The following SYNPO2L variants were observed in gnomAD, a reference collection of about 807,000 sequenced individuals.
The protein encoded by SYNPO2L is synaptopodin 2 like.
SYNPO2L carries 34 observed loss-of-function variants against 47.5 expected under a neutral mutation model. The observed-to-expected ratio is 0.72, with a 90% CI of 0.54 to 0.95. SYNPO2L has a LOEUF of 0.95. Among genes scored for constraint, SYNPO2L ranks in the 40% least tolerant of loss-of-function variants. The pLI is 0.00. For missense variants in SYNPO2L, 1,246 were observed against 1,282.0 expected, an observed-to-expected ratio of 0.97 and a Z score of 0.43; for synonymous variants, 536 against 524.9, an observed-to-expected ratio of 1.02 and a Z score of -0.29.
Position 73,647,606 on chromosome 10 carries a change from T to G in SYNPO2L, c.2046A>C (p.Glu682Asp), listed in dbSNP as rs1390168398. 2 of 1,614,108 alleles carry G rather than the reference T, an allele frequency of 1.2e-6. No homozygotes were observed. The highest frequency in any genetic ancestry group is 4.5e-5 in the East Asian group (2 of 44,860). The change falls in exon 4 of 4, where the codon GAA becomes GAC. Residue 682 changes from glutamate to aspartate, a missense_variant. This residue lies in a region of SYNPO2L where 1,037 missense variants were observed against 1,021.5 expected (regional missense o/e 1.02). Coordinates refer to ENST00000394810, the MANE Select transcript of SYNPO2L (RefSeq NM_001114133.3). ...PEEDALSLGA[E>D]ACNFMQPVGA... The stretch of plus-strand genomic sequence containing the variant: ...CTACTGGCTGCATGAAGTTGCAGGC[T>G]TCAGCCCCGAGGCTCAGAGCATCTT...
At chr10:73,654,349 G>A in intron 1 of SYNPO2L, 69 bp from the exon 2 acceptor site, 2 of 1,532,096 alleles carry the variant, frequency 1.3e-6, no homozygotes, top group Non-Finnish European at 1.8e-6. Flanking sequence ...AGGAAAAGAT[G>A]GGAAGGACCC....
rs199811689 is a variant in SYNPO2L, at chr10:73,647,359, G to A, written c.2293C>T (p.Arg765Trp). 1 of 1,614,030 alleles carries A rather than the reference G, an allele frequency of 6.2e-7. No homozygotes were observed. Among genetic ancestry groups the A allele is most frequent in the Non-Finnish European group, 8.5e-7 (1 of 1,179,992 alleles). ...ACATACCTGTCCGCACGGCTCTGCC[G>A]CTTAGCAAACAGCTCCCCACCCCTG... ...QGRGGELFAK[R>W]QSRADRYVVE... The change falls in exon 4 of 4, where the codon CGG becomes TGG. Residue 765 changes from arginine (R) to tryptophan (W), a missense_variant. By Grantham distance (101) the Arg-to-Trp change is moderately radical. This residue lies in a region of SYNPO2L where 1,037 missense variants were observed against 1,021.5 expected (regional missense o/e 1.02). Coordinates refer to ENST00000394810, the MANE Select transcript of SYNPO2L (RefSeq NM_001114133.3).
chr10:73,646,812 C>A lies in SYNPO2L; in HGVS notation c.2840G>T (p.Ser947Ile). 1.3e-6 allele frequency: 2 copies of A among 1,541,866 alleles called. No homozygotes were observed. The highest frequency in any genetic ancestry group is 2.1e-5 in the Admixed American group (1 of 47,196). The change falls in exon 4 of 4, where the codon AGC (serine) becomes ATC (isoleucine). Residue 947 changes from serine to isoleucine, a missense_variant. Transcript: ENST00000394810. ...CCTGGCTACCTGGAAACCGCAGGAG[C>A]TGGGAGAAGCCCCAAGGCCCCTGGG... ...EAPRGLGASPSSCGFQVARPR... is the reference protein window; with the variant it reads ...EAPRGLGASPISCGFQVARPR...
In SYNPO2L at chr10:73,648,093, C is replaced by A; in HGVS notation, c.1559G>T (p.Ser520Ile). 6.4e-7 allele frequency: 1 copy of A among 1,558,230 alleles called. No homozygotes were observed. The change falls in exon 4 of 4, where the codon AGC becomes ATC. Residue 520 changes from serine (S) to isoleucine (I), a missense_variant. By Grantham distance (142) the Ser-to-Ile change is moderately radical. Around this residue, in one of 3 missense-constraint regions of SYNPO2L, gnomAD observed 1,037 missense variants for 1,021.5 expected, o/e 1.02. Transcript: ENST00000394810. ...LSSQGPTPLP[S>I]FTSGVPSHAP... ...GTGGCTGGGAACCCCTGAAGTGAAG[C>A]TGGGCAGAGGGGTGGGCCCCTGCGA...
rs1450582466 is a variant in SYNPO2L, at chr10:73,646,909, G to C, written c.2743C>G (p.Leu915Val). ...TVLAPRAATT[L>V]DEPIWRTELA... is the part of the protein sequence containing the mutation. ...TCTGTTCTCCAGATGGGCTCATCCA[G>C]TGTAGTGGCTGCTCGGGGGGCAAGC... Residue 915 changes from leucine (L) to valine (V), a missense_variant, in exon 4 of 4, where the codon CTG (leucine) becomes GTG (valine). By Grantham distance (32) the Leu-to-Val change is conservative. This residue lies in a region of SYNPO2L where 1,037 missense variants were observed against 1,021.5 expected (regional missense o/e 1.02). Transcript: ENST00000394810. 1 of 1,582,976 alleles carries C rather than the reference G, an allele frequency of 6.3e-7. No homozygotes were observed. Among genetic ancestry groups the C allele is most frequent in the African/African-American group, 1.3e-5 (1 of 74,300 alleles).
rs758084760 is a variant in SYNPO2L, at chr10:73,647,214, TA to T, written c.2437del (p.Tyr813ThrfsTer35). 2.5e-6 allele frequency: 4 copies of T among 1,613,610 alleles called. No individual in the cohort carries two copies. The South Asian group carries it at 4.4e-5, about 18-fold the overall frequency. ...GAAAAAGGGAGAGAGCAGTGGGTTG[TA>T]AGCAATAGGAGGCGGGGCACGGATG... ...PNIRAPPPIA[Y>X]NPLLSPFFPQ... is the part of the protein sequence containing the mutation. On this transcript the variant is annotated frameshift_variant, in exon 4 of 4. Coordinates refer to ENST00000394810, the MANE Select transcript of SYNPO2L (RefSeq NM_001114133.3). LOFTEE classifies it high-confidence loss of function.
rs1177084692 is a variant in SYNPO2L at position 73,645,592 on chromosome 10, G to A, written c.*1126C>T. 3 of 986,562 alleles carry A rather than the reference G, an allele frequency of 3.0e-6. No homozygotes were observed. The highest frequency in any genetic ancestry group is 1.1e-4 in the East Asian group (1 of 8,828). 61.1% of individuals were successfully genotyped at this position (986,562 alleles called of 1,614,324 possible). A position where few individuals can be genotyped will look rare whatever the true frequency, so the allele number is the denominator to read the frequency against. On this transcript the variant is annotated 3_prime_UTR_variant, in exon 4 of 4. Coordinates refer to ENST00000394810, the MANE Select transcript of SYNPO2L (RefSeq NM_001114133.3). ...GTTGCTAACTTTTTGAAATCCTGAGGTATAGAATTCTTTGTTCTATTCCTG... is the reference window on the plus strand; with the variant it reads ...GTTGCTAACTTTTTGAAATCCTGAGATATAGAATTCTTTGTTCTATTCCTG...
chr10:73,648,291 C>T lies in SYNPO2L; in HGVS notation c.1361G>A (p.Gly454Asp). The change falls in exon 4 of 4, where the codon GGT (glycine) becomes GAT (aspartate). Residue 454 changes from glycine to aspartate, a missense_variant. Coordinates refer to ENST00000394810, the MANE Select transcript of SYNPO2L (RefSeq NM_001114133.3). ...VASPRPFQPGGGAPTPAPSIF... is the reference protein window; with the variant it reads ...VASPRPFQPGDGAPTPAPSIF... ...GCTTGGAGCTGGGGTCGGGGCTCCA[C>T]CACCTGGTTGGAAGGGTCTGGGGCT... 1 of 1,602,954 alleles carries T rather than the reference C, an allele frequency of 6.2e-7. No individual in the cohort carries two copies.
intron 3 of SYNPO2L, chr10:73,651,112 A>C: frequency 5.7e-6 from 8 of 1,411,546 alleles, no homozygotes; most frequent in African/African-American, 1.5e-5. Context: ...GAATGAGCTC[A>C]CTGTGCTATT....
chr10:73,652,464 T>A (rs1487180255), intron 3 of SYNPO2L, among the ~76,000 whole-genome samples: 2 of 151,776 alleles, frequency 1.3e-5, no homozygotes, highest in Non-Finnish European at 1.5e-5. Flanking sequence ...AGGTCAGGAG[T>A]TCGAGACCAG....
In SYNPO2L at chr10:73,655,914, A is replaced by C; in HGVS notation, c.9T>G (p.Ala3=). The change falls in exon 1 of 4, where the codon GCT becomes GCG. Residue 3 remains alanine, a synonymous_variant. Transcript: ENST00000394810. ...ATAGTGTGACCAGCACCTCCTCCTC[A>C]GCACCCATCGCTCAGCTTGGCCTAT... The part of the protein sequence containing the change: MG[A]EEEVLVTLSG... 6.4e-7 allele frequency: 1 copy of C among 1,550,520 alleles called. No homozygotes were observed. The highest frequency in any genetic ancestry group is 1.2e-5 in the South Asian group (1 of 83,988).
chr10:73,647,417 C>A lies in SYNPO2L; in HGVS notation c.2235G>T (p.Ser745=). ...LDGLVNGAAS[S]AGIPEPPRLQ... ...GCCTTGGTGGCTCAGGGATTCCAGCCGAAGAGGCTGCCCCATTCACGAGCC... is the reference window on the plus strand; with the variant it reads ...GCCTTGGTGGCTCAGGGATTCCAGCAGAAGAGGCTGCCCCATTCACGAGCC... Residue 745 remains serine, a synonymous_variant, in exon 4 of 4, where the codon TCG becomes TCT. Transcript: ENST00000394810. 1 of 1,612,694 alleles carries A rather than the reference C, an allele frequency of 6.2e-7. No homozygotes were observed. Among genetic ancestry groups the A allele is most frequent in the Non-Finnish European group, 8.5e-7 (1 of 1,179,120 alleles).
chr10:73,654,697 G>T (rs568311747), intron 1 of SYNPO2L, among the ~76,000 whole-genome samples: 1 of 152,200 alleles, frequency 6.6e-6, no homozygotes, highest in South Asian at 2.1e-4. Flanking sequence ...ACAAAAATCA[G>T]CTGGCCGTGG....
chr10:73,651,580 G>T (rs2081841726), intron 3 of SYNPO2L, among the ~76,000 whole-genome samples: 1 of 152,178 alleles, frequency 6.6e-6, no homozygotes, highest in Non-Finnish European at 1.5e-5. Context: ...CTTAGACCTT[G>T]TTCTGTAGCT....
chr10:73,653,017 C>T, intron 3 of SYNPO2L, 122 bp downstream of exon 3: 1 of 1,203,592 alleles, frequency 8.3e-7, no homozygotes, highest in Non-Finnish European at 1.1e-6. Context: ...ACTCATTACC[C>T]CTCCTGTCCC....
intron 3 of SYNPO2L, chr10:73,650,073 G>A (rs2081827629): frequency 1.0e-6 from 1 of 985,304 alleles, no homozygotes; most frequent in African/African-American, 1.7e-5. Flanking sequence ...TGGGGCCTGG[G>A]TAGGTGGGGC....
Position 73,648,080 on chromosome 10 carries a change from C to T in SYNPO2L, c.1572G>A (p.Gly524=), listed in dbSNP as rs757846217. ...CAGAGACTGGCGCGTGGCTGGGAAC[C>T]CCTGAAGTGAAGCTGGGCAGAGGGG... ...GPTPLPSFTS[G]VPSHAPVSGS... is the part of the protein sequence containing the mutation. The change falls in exon 4 of 4, where the codon GGG becomes GGA. Residue 524 remains glycine (G), a synonymous_variant. Coordinates refer to ENST00000394810, the MANE Select transcript of SYNPO2L (RefSeq NM_001114133.3). 2.5e-6 allele frequency: 4 copies of T among 1,574,594 alleles called. No homozygotes were observed. Among genetic ancestry groups the T allele is most frequent in the Non-Finnish European group, 8.6e-7 (1 of 1,162,144 alleles).
Position 73,647,412 on chromosome 10 carries a change from C to T in SYNPO2L, c.2240G>A (p.Gly747Glu). Residue 747 changes from glycine (G) to glutamate (E), a missense_variant, in exon 4 of 4, where the codon GGA (glycine) becomes GAA (glutamate). Physicochemically the swap from Gly to Glu is moderately conservative, Grantham distance 98. Around this residue, in one of 3 missense-constraint regions of SYNPO2L, gnomAD observed 1,037 missense variants for 1,021.5 expected, o/e 1.02. Transcript: ENST00000394810. ...CTGCAGCCTTGGTGGCTCAGGGATT[C>T]CAGCCGAAGAGGCTGCCCCATTCAC... The part of the protein sequence containing the change: ...GLVNGAASSA[G>E]IPEPPRLQGR... The T allele has an allele frequency of 6.2e-7, 1 of 1,613,162 alleles. No homozygotes were observed.
In SYNPO2L at chr10:73,648,331, G is replaced by A. The variant is rs747150437; in HGVS notation, c.1321C>T (p.Pro441Ser). 2.5e-6 allele frequency: 4 copies of A among 1,604,496 alleles called. No homozygotes were observed. The highest frequency in any genetic ancestry group is 3.4e-5 in the Admixed American group (2 of 59,612). ...GGTCTGGGGCTGGCTACAGGCGCCG[G>A]CAAGGGGCTGGGTGGGAGCACAGCT... ...EAAVLPPSPL[P>S]APVASPRPFQ... Residue 441 changes from proline (P) to serine (S), a missense_variant, in exon 4 of 4, where the codon CCG becomes TCG. By Grantham distance (74) the Pro-to-Ser change is moderately conservative. Coordinates refer to ENST00000394810, the MANE Select transcript of SYNPO2L (RefSeq NM_001114133.3).
Sources: allele counts gnomAD v4.1 joint callset (sites outside exome capture counted in the v4.1 genomes callset), GRCh38; gene constraint gnomAD v4.1.1; regional missense constraint gnomAD v4.1.1; transcripts MANE v1.5; gene names NCBI Gene and HGNC (gene_info 2026-07-23, HGNC 2026-07-21).